Variants in DTNB observed in about 807,000 individuals in gnomAD.
The protein encoded by DTNB is DTN-B.
A neutral mutation model predicts 90.7 loss-of-function variants in DTNB; 63 were observed. That is an observed-to-expected ratio of 0.69 (90% confidence interval 0.57 to 0.86). The LOEUF (loss-of-function observed/expected upper bound fraction) is 0.86, where lower values mean the gene tolerates loss of function less well. Among genes scored for constraint, DTNB ranks in the 40% least tolerant of loss-of-function variants. The probability of loss-of-function intolerance (pLI) is 0.00; values close to 1 mark genes in which losing one functional copy is unlikely to be tolerated. For missense variants in DTNB, 744 were observed against 807.1 expected, an observed-to-expected ratio of 0.92 and a Z score of 0.95; for synonymous variants, 277 against 286.7, an observed-to-expected ratio of 0.97 and a Z score of 0.34.
intron 2 of DTNB, among the ~76,000 whole-genome samples, chr2:25,652,281 C>T (rs2148937678): frequency 6.6e-6 from 1 of 152,224 alleles, no homozygotes; most frequent in East Asian, 1.9e-4. Flanking sequence ...TAGTCACCAC[C>T]TGCAAAGTTC....
At chr2:25,664,509 C>G (rs536780780) in intron 1 of DTNB, among the ~76,000 whole-genome samples, 3 of 152,332 alleles carry the variant, frequency 2.0e-5, no homozygotes, top group Admixed American at 2.0e-4. Context: ...TCAGCCCCTC[C>G]AGGCGGTGGG....
chr2:25,642,864 C>T (rs1011854941), intron 2 of DTNB, among the ~76,000 whole-genome samples: 1 of 150,644 alleles, frequency 6.6e-6, no homozygotes, highest in African/African-American at 2.4e-5. Context: ...AGCAATTCTC[C>T]TGCCTCAGCC....
chr2:25,405,793 T>A (rs2044986984), intron 16 of DTNB, among the ~76,000 whole-genome samples: 1 of 152,072 alleles, frequency 6.6e-6, no homozygotes. Flanking sequence ...GAGGAGCCGG[T>A]GAAGGTTTCT....
At chr2:25,470,441 T>C (rs535727840) in intron 10 of DTNB, among the ~76,000 whole-genome samples, 1 of 150,756 alleles carries the variant, frequency 6.6e-6, no homozygotes, top group East Asian at 1.9e-4. Context: ...AGTGGTGTGA[T>C]CTCAGCTCAC....
intron 9 of DTNB, among the ~76,000 whole-genome samples, chr2:25,528,396 C>T (rs911282533): frequency 1.1e-4 from 16 of 152,028 alleles, no homozygotes; most frequent in African/African-American, 3.6e-4. Flanking sequence ...AGTATTGCAC[C>T]GGAGGGGCTA....
chr2:25,390,986 TC>T (rs1401495340), intron 16 of DTNB, among the ~76,000 whole-genome samples: 1 of 146,194 alleles, frequency 6.8e-6, no homozygotes, highest in Non-Finnish European at 1.5e-5. Context: ...AAGCTCCGCC[TC>T]CCGGGTTCAC....
intron 4 of DTNB, among the ~76,000 whole-genome samples, chr2:25,614,912 C>T (rs754004906): frequency 3.9e-5 from 6 of 152,162 alleles, no homozygotes; most frequent in East Asian, 1.9e-4. Flanking sequence ...GATTCAAGTC[C>T]GACACCATTT....
chr2:25,400,542 G>C (rs1211584357), intron 16 of DTNB, among the ~76,000 whole-genome samples: 1 of 152,226 alleles, frequency 6.6e-6, no homozygotes, highest in Non-Finnish European at 1.5e-5. Flanking sequence ...CAAAGGTAGA[G>C]CAACTAGTCA....
chr2:25,531,711 C>G, intron 8 of DTNB, 114 bp from the exon 9 acceptor site: 1 of 1,386,744 alleles, frequency 7.2e-7, no homozygotes, highest in Non-Finnish European at 9.6e-7. Context: ...AAATACAAAT[C>G]AAGTTTCATT....
chr2:25,402,107 A>G (rs1192887636), intron 16 of DTNB, among the ~76,000 whole-genome samples: 1 of 152,152 alleles, frequency 6.6e-6, no homozygotes, highest in Non-Finnish European at 1.5e-5. Context: ...ACCCCACATA[A>G]CTATTTTGAG....
At chr2:25,595,486 T>C (rs2064395120) in intron 6 of DTNB, among the ~76,000 whole-genome samples, 2 of 151,760 alleles carry the variant, frequency 1.3e-5, no homozygotes, top group Admixed American at 6.5e-5. Flanking sequence ...CTGCAGCCAG[T>C]GTCTATCCTG....
At chr2:25,533,239 T>C (rs1439325982) in intron 8 of DTNB, among the ~76,000 whole-genome samples, 3 of 152,128 alleles carry the variant, frequency 2.0e-5, no homozygotes, top group Middle Eastern at 3.4e-3. Context: ...GGTGGGAGGA[T>C]CGCTTCAGCC....
At chr2:25,425,576 GC>G (rs761157897) in intron 15 of DTNB, among the ~76,000 whole-genome samples, 224 of 152,256 alleles carry the variant, frequency 1.5e-3, no homozygotes, top group South Asian at 4.1e-3. Context: ...ACTCTAACTT[GC>G]CCTGCGCATT....
intron 5 of DTNB, among the ~76,000 whole-genome samples, chr2:25,597,149 T>C (rs185926987): frequency 6.6e-6 from 1 of 152,182 alleles, no homozygotes; most frequent in East Asian, 1.9e-4. Context: ...GGCAACATAG[T>C]GAGACCTCAT....
chr2:25,550,170 T>A (rs955340723), intron 8 of DTNB, among the ~76,000 whole-genome samples: 37 of 152,030 alleles, frequency 2.4e-4, no homozygotes, highest in African/African-American at 8.7e-4. Flanking sequence ...GGTGGGCGGA[T>A]CACGAGGTCA....
intron 8 of DTNB, among the ~76,000 whole-genome samples, chr2:25,550,188 G>A (rs1349352686): frequency 1.3e-5 from 2 of 151,982 alleles, no homozygotes; most frequent in African/African-American, 2.4e-5. Context: ...TCAGGAGATC[G>A]AGACCATCCT....
chr2:25,639,022 C>T lies in DTNB; in HGVS notation c.140G>A (p.Arg47Gln), dbSNP rs1264875486. ...TACKLRFVQK[R>Q]CNLHLVDIWN... ...GAGTAGAAATGACTCACGGTTGCAT[C>T]GTTTTTGTACAAATCGTAATTTGCA... Residue 47 changes from arginine to glutamine, a missense_variant, in exon 3 of 21, where the codon CGA (arginine) becomes CAA (glutamine). Physicochemically the swap from Arg to Gln is conservative, Grantham distance 43. Transcript: ENST00000406818. The T allele has an allele frequency of 3.2e-6, 5 of 1,585,352 alleles. No individual in the cohort carries two copies. The highest frequency in any genetic ancestry group is 1.7e-5 in the Admixed American group (1 of 57,536).
rs761751847 is a variant in DTNB at position 25,434,033 on chromosome 2, T to C, written c.1258-38A>G. On this transcript the variant is annotated intron_variant, in intron 12 of 20. Transcript: ENST00000406818. ...AGTCGGGAGAAAGTTTTTTTTTTTC[T>C]GATCCAAATATACCCAGAGTTCTAG... 11 of 1,355,048 alleles carry C rather than the reference T, an allele frequency of 8.1e-6. No individual in the cohort carries two copies. The South Asian group carries it at 1.3e-4, about 16-fold the overall frequency. The allele number at this position is 1,355,048 out of a possible 1,614,324, so 83.9% of individuals were successfully genotyped here.
intron 2 of DTNB, among the ~76,000 whole-genome samples, chr2:25,652,316 G>C (rs950877440): frequency 3.3e-5 from 5 of 152,054 alleles, no homozygotes; most frequent in African/African-American, 4.8e-5. Flanking sequence ...GTTACAGCAA[G>C]AGATCTAAAT....
Sources: gnomAD v4.1 joint callset for allele counts (sites outside exome capture counted in the v4.1 genomes callset) on GRCh38, gnomAD v4.1.1 for gene constraint, MANE v1.5 for transcripts, NCBI Gene and HGNC (gene_info 2026-07-23, HGNC 2026-07-21) for gene names.